The following ZKSCAN3 variants were observed in gnomAD, a reference collection of about 807,000 sequenced individuals.
ZKSCAN3 encodes the protein zinc finger protein with KRAB and SCAN domains 3.
A neutral mutation model predicts 30.7 loss-of-function variants in ZKSCAN3; 21 were observed. The ratio of observed to expected loss-of-function variants is 0.68; its 90% CI spans 0.49 to 0.99. ZKSCAN3 has a LOEUF of 0.99. ZKSCAN3 is among the 50% of genes least tolerant of loss of function. ZKSCAN3 has a pLI of 0.00. For missense variants in ZKSCAN3, 507 were observed against 647.1 expected, an observed-to-expected ratio of 0.78 and a Z score of 2.35; for synonymous variants, 201 against 246.7, an observed-to-expected ratio of 0.81 and a Z score of 1.73.
At chr6:28,361,239 T>C (rs1765755393) in intron 2 of ZKSCAN3, 85 bp from the exon 3 acceptor site, 1 of 1,408,426 alleles carries the variant, frequency 7.1e-7, no homozygotes, top group African/African-American at 1.5e-5. Flanking sequence ...ACATTTATAA[T>C]GCTCTTGGAA....
Position 28,359,675 on chromosome 6 carries a change from A to T in ZKSCAN3, c.89A>T (p.Glu30Val), listed in dbSNP as rs1765649403. 1.2e-6 allele frequency: 2 copies of T among 1,614,094 alleles called. No homozygotes were observed. Among genetic ancestry groups the T allele is most frequent in the Admixed American group, 1.7e-5 (1 of 59,998 alleles). Residue 30 changes from glutamate (E) to valine (V), a missense_variant, in exon 2 of 6, where the codon GAA becomes GTA. Physicochemically the swap from Glu to Val is moderately radical, Grantham distance 121. Coordinates refer to ENST00000252211, the MANE Select transcript of ZKSCAN3 (RefSeq NM_024493.4). ...CTTCTGGTCATAAAGGTGGAGGAAG[A>T]AGAAGCCGGTTTTCCCAGTAGCCCA... The part of the protein sequence containing the change: ...MELLVIKVEE[E>V]EAGFPSSPDL...
intron 2 of ZKSCAN3, 101 bp from the exon 3 acceptor site, chr6:28,361,223 G>T: frequency 7.8e-7 from 1 of 1,278,402 alleles, no homozygotes; most frequent in Non-Finnish European, 1.1e-6. Context: ...TGCGTTAAAT[G>T]AGTTAACATT....
At chr6:28,360,309 A>G (rs1365968786) in intron 2 of ZKSCAN3, among the ~76,000 whole-genome samples, 1 of 152,236 alleles carries the variant, frequency 6.6e-6, no homozygotes, top group Non-Finnish European at 1.5e-5. Context: ...ATAACTGGCA[A>G]TTACAAAGCA....
Position 28,361,453 on chromosome 6 carries a change from C to T in ZKSCAN3, c.532C>T (p.Gln178Ter). The change falls in exon 3 of 6, where the codon CAG becomes TAG. Residue 178 changes from glutamine to a stop codon, truncating the protein, a stop_gained. Transcript: ENST00000252211. LOFTEE classifies it high-confidence loss of function. Reference protein sequence around the residue: ...ALLKHESVGSQPLQDRVLQVP... With the variant: ...ALLKHESVGS Reference sequence around the variant, plus strand: ...GCTCAAGCATGAATCTGTGGGATCCCAGCCTTTACAAGATAGAGGTAAGGA... The same window carrying T: ...GCTCAAGCATGAATCTGTGGGATCCTAGCCTTTACAAGATAGAGGTAAGGA... The T allele has an allele frequency of 6.2e-7, 1 of 1,611,448 alleles. No homozygotes were observed. Among genetic ancestry groups the T allele is most frequent in the South Asian group, 1.1e-5 (1 of 90,324 alleles).
Position 28,365,620 on chromosome 6 carries a change from G to C in ZKSCAN3, c.952G>C (p.Glu318Gln), listed in dbSNP as rs777896212. Residue 318 changes from glutamate (E) to glutamine (Q), a missense_variant, in exon 6 of 6, where the codon GAA (glutamate) becomes CAA (glutamine). Physicochemically the swap from Glu to Gln is conservative, Grantham distance 29. Coordinates refer to ENST00000252211, the MANE Select transcript of ZKSCAN3 (RefSeq NM_024493.4). ...ATGGRRHICH[E>Q]CGKSFAQSSG... Reference sequence around the variant, plus strand: ...AGGAGGGAGGCGGCACATCTGCCATGAATGTGGAAAGAGTTTTGCTCAAAG... The same window carrying C: ...AGGAGGGAGGCGGCACATCTGCCATCAATGTGGAAAGAGTTTTGCTCAAAG... 3 of 1,614,284 alleles carry C rather than the reference G, an allele frequency of 1.9e-6. No homozygotes were observed. Among genetic ancestry groups the C allele is most frequent in the Non-Finnish European group, 2.5e-6 (3 of 1,180,056 alleles).
At chr6:28,356,182 A>G (rs972023658) in intron 1 of ZKSCAN3, 2 of 152,218 alleles carry the variant, frequency 1.3e-5, no homozygotes, top group Non-Finnish European at 2.9e-5. Context: ...TCAGTTCCCA[A>G]TCAAACAGGA....
chr6:28,359,514 C>T lies in ZKSCAN3; in HGVS notation c.-62-11C>T. On this transcript the variant is annotated splice_polypyrimidine_tract_variant and intron_variant, in intron 1 of 5. Transcript: ENST00000252211. ...AAGTTTACTGGTTAATAATGATTTCCCACCTTTCAGGGATCTTCTGCAGAA... is the reference window on the plus strand; with the variant it reads ...AAGTTTACTGGTTAATAATGATTTCTCACCTTTCAGGGATCTTCTGCAGAA... 1 of 1,546,984 alleles carries T rather than the reference C, an allele frequency of 6.5e-7. No individual in the cohort carries two copies. Among genetic ancestry groups the T allele is most frequent in the Non-Finnish European group, 8.7e-7 (1 of 1,145,616 alleles).
chr6:28,350,746 T>C (rs1462468424), intron 1 of ZKSCAN3, among the ~76,000 whole-genome samples: 1 of 152,212 alleles, frequency 6.6e-6, no homozygotes, highest in Non-Finnish European at 1.5e-5. Flanking sequence ...ATTCACTTTG[T>C]AATGGATGAT....
intron 1 of ZKSCAN3, among the ~76,000 whole-genome samples, chr6:28,353,677 T>C (rs991761645): frequency 5.3e-5 from 8 of 152,170 alleles, no homozygotes; most frequent in African/African-American, 7.2e-5. Flanking sequence ...CAGCTCAGGA[T>C]AGGGATCAGG....
At position 28,366,396 on chromosome 6, in the gene ZKSCAN3, T is replaced by TG; in HGVS notation, c.*111_*112insG. Reference sequence around the variant, plus strand: ...GCTGGGCTTTATTTACCACTACACATTATCAGGTGTTAGAAAATGTAGACT... The same window carrying TG: ...GCTGGGCTTTATTTACCACTACACATGTATCAGGTGTTAGAAAATGTAGACT... On this transcript the variant is annotated 3_prime_UTR_variant, in exon 6 of 6. Coordinates refer to ENST00000252211, the MANE Select transcript of ZKSCAN3 (RefSeq NM_024493.4). 1 of 1,197,046 alleles carries TG rather than the reference T, an allele frequency of 8.4e-7. No individual in the cohort carries two copies. The highest frequency in any genetic ancestry group is 1.1e-6 in the Non-Finnish European group (1 of 889,346). The allele number at this position is 1,197,046 out of a possible 1,614,324, so 74.2% of individuals were successfully genotyped here.
In ZKSCAN3 at chr6:28,363,370, T is replaced by C. The variant is rs758785240; in HGVS notation, c.618T>C (p.Leu206=). ...AAGATAAAGTGGTAGCTTCTAGGCT[T>C]ACTCCAGAGTCCCAGGTGAGCTGGA... The part of the protein sequence containing the change: ...CREDKVVASR[L]TPESQGLLKV... Residue 206 remains leucine, a synonymous_variant, in exon 4 of 6, where the codon CTT becomes CTC. Transcript: ENST00000252211. 1 of 1,614,004 alleles carries C rather than the reference T, an allele frequency of 6.2e-7. No individual in the cohort carries two copies. Among genetic ancestry groups the C allele is most frequent in the East Asian group, 2.2e-5 (1 of 44,872 alleles).
chr6:28,360,708 T>TTGGGTC, intron 2 of ZKSCAN3: 1 of 985,332 alleles, frequency 1.0e-6, no homozygotes, highest in Non-Finnish European at 1.2e-6. Context: ...GGTTCTTGAC[T>TTGGGTC]TGGGTCTGTT....
Position 28,351,594 on chromosome 6 carries a change from T to C in ZKSCAN3, c.-63+1527T>C, listed in dbSNP as rs1765018758. ...TTTTGGTCATTTTCTTTCATTCTTC[T>C]TTTCCCTCCTTTCCACTCTCTTTCC... On this transcript the variant is annotated intron_variant, in intron 1 of 5. Transcript: ENST00000252211. The surrounding 1 kb of genome is among the most constrained non-coding windows in gnomAD (Gnocchi z 4.6). Among the ~76,000 whole-genome samples, 1 of 152,072 alleles carries C rather than the reference T, an allele frequency of 6.6e-6. No individual in the cohort carries two copies. Among genetic ancestry groups the C allele is most frequent in the Admixed American group, 6.6e-5 (1 of 15,258 alleles).
intron 1 of ZKSCAN3, chr6:28,354,266 G>A (rs895526733): frequency 3.6e-6 from 1 of 276,068 alleles, no homozygotes; most frequent in Admixed American, 4.3e-5. Flanking sequence ...TGTAAGCCAA[G>A]TATGAGCTTA....
chr6:28,352,104 C>T (rs796279599), intron 1 of ZKSCAN3, among the ~76,000 whole-genome samples: 26 of 152,200 alleles, frequency 1.7e-4, no homozygotes, highest in African/African-American at 5.3e-4. Context: ...CCCATTCCCT[C>T]CCACTCCTTT....
chr6:28,352,324 T>C (rs1459229844), intron 1 of ZKSCAN3, among the ~76,000 whole-genome samples: 1 of 152,176 alleles, frequency 6.6e-6, no homozygotes, highest in Non-Finnish European at 1.5e-5. Context: ...TGATTTTTTT[T>C]TCATTGCAAT....
At chr6:28,364,083 C>T (rs1385835718) in intron 5 of ZKSCAN3, among the ~76,000 whole-genome samples, 2 of 152,132 alleles carry the variant, frequency 1.3e-5, no homozygotes, top group Non-Finnish European at 2.9e-5. Flanking sequence ...GATCCTCTCA[C>T]CACAGCCTCC....
intron 3 of ZKSCAN3, 120 bp downstream of exon 3, chr6:28,361,591 A>T: frequency 8.8e-7 from 1 of 1,136,928 alleles, no homozygotes; most frequent in Non-Finnish European, 1.2e-6. Flanking sequence ...ACTCTCATTT[A>T]AGACTGAGAC....
Position 28,365,930 on chromosome 6 carries a change from C to T in ZKSCAN3, c.1262C>T (p.Thr421Ile). 2 of 1,613,820 alleles carry T rather than the reference C, an allele frequency of 1.2e-6. No homozygotes were observed. The highest frequency in any genetic ancestry group is 1.1e-5 in the South Asian group (1 of 91,008). ...CSLLEHHRIH[T>I]GEKPYQCSMC... ...CTCCTTGAACATCACAGAATCCACA[C>T]TGGGGAGAAGCCGTATCAGTGCAGT... Residue 421 changes from threonine (T) to isoleucine (I), a missense_variant, in exon 6 of 6, where the codon ACT becomes ATT. Thr to Ile is a moderately conservative substitution (Grantham distance 89). Transcript: ENST00000252211.
Sources: gnomAD v4.1 joint callset for allele counts (sites outside exome capture counted in the v4.1 genomes callset) on GRCh38, gnomAD v4.1.1 for gene constraint, Gnocchi (gnomAD v3.1) non-coding constraint, MANE v1.5 for transcripts, NCBI Gene and HGNC (gene_info 2026-07-23, HGNC 2026-07-21) for gene names.